Variants in GJA3 observed in about 807,000 individuals in gnomAD.
GJA3 encodes the protein gap junction alpha-3 protein.
For missense variants in GJA3, 571 were observed against 620.3 expected (o/e 0.92, Z 0.84); for synonymous variants, 297 against 292.6 (o/e 1.02, Z -0.15).
Position 20,143,510 on chromosome 13 carries a change from C to G in GJA3, c.-17-205G>C, listed in dbSNP as rs545084173. ...TCCATGAGGAACCACAGGTTAAACTCTTCATTTCAGAGAGGAGGAAGCCAG... is the reference window on the plus strand; with the variant it reads ...TCCATGAGGAACCACAGGTTAAACTGTTCATTTCAGAGAGGAGGAAGCCAG... On this transcript the variant is annotated intron_variant, in intron 1 of 1. Transcript: ENST00000241125. 3.9e-5 allele frequency among the ~76,000 whole-genome samples: 6 copies of G among 152,310 alleles called. No individual in the cohort carries two copies. In the South Asian group the frequency reaches 8.3e-4, roughly 21 times the overall value.
At position 20,143,250 on chromosome 13, in the gene GJA3, AT is replaced by A; in HGVS notation, c.38del (p.Asn13MetfsTer14). 6.5e-7 allele frequency: 1 copy of A among 1,538,010 alleles called. No homozygotes were observed. Reference protein sequence around the residue: ...DWSFLGRLLENAQEHSTVIGK... With the variant: ...DWSFLGRLLEXAQEHSTVIGK... ...CGATGACCGTGGAGTGCTCCTGTGC[AT>A]TTTCTAAGAGTCTTCCCAGAAAGCT... On this transcript the variant is annotated frameshift_variant, in exon 2 of 2. Coordinates refer to ENST00000241125, the MANE Select transcript of GJA3 (RefSeq NM_021954.4). LOFTEE classifies it low-confidence loss of function (END_TRUNC).
rs771180122 is a variant in GJA3, at chr13:20,142,794, G to A, written c.495C>T (p.Ala165=). 9 of 1,613,538 alleles carry A rather than the reference G, an allele frequency of 5.6e-6. No individual in the cohort carries two copies. Among genetic ancestry groups the A allele is most frequent in the African/African-American group, 2.7e-5 (2 of 74,946 alleles). The change falls in exon 2 of 2, where the codon GCC becomes GCT. Residue 165 remains alanine, a synonymous_variant. Transcript: ENST00000241125. ...FKTLFEVGFI[A]GQYFLYGFEL... ...CGAAGCCGTACAGAAAGTACTGGCC[G>A]GCGATGAAGCCCACCTCGAACAGCG... is the stretch of plus-strand genomic sequence containing the variant.
intron 1 of GJA3, among the ~76,000 whole-genome samples, chr13:20,152,410 G>T (rs1472630901): frequency 6.6e-6 from 1 of 151,850 alleles, no homozygotes; most frequent in Non-Finnish European, 1.5e-5. Flanking sequence ...TTTGAGACAG[G>T]GTCTCCCTCT....
intron 1 of GJA3, among the ~76,000 whole-genome samples, chr13:20,152,730 A>G (rs749975947): frequency 2.6e-5 from 4 of 152,234 alleles, no homozygotes; most frequent in Non-Finnish European, 5.9e-5. Context: ...TAGAGGTAAT[A>G]TAATATGGAG....
At chr13:20,154,528 C>G (rs1958897307) in intron 1 of GJA3, among the ~76,000 whole-genome samples, 1 of 152,170 alleles carries the variant, frequency 6.6e-6, no homozygotes, top group South Asian at 2.1e-4. Context: ...CTCTTCCTTT[C>G]CTAAGTCTAA....
intron 1 of GJA3, among the ~76,000 whole-genome samples, chr13:20,146,593 A>C (rs909021310): frequency 6.6e-6 from 1 of 152,226 alleles, no homozygotes. Flanking sequence ...TCAGGGGCCA[A>C]GGCTGTGTCC....
At chr13:20,143,816 A>G (rs975588061) in intron 1 of GJA3, among the ~76,000 whole-genome samples, 1 of 152,248 alleles carries the variant, frequency 6.6e-6, no homozygotes, top group Non-Finnish European at 1.5e-5. Context: ...CTCAACTAGG[A>G]AAGTTTACAT....
chr13:20,150,660 C>T (rs1478086248), intron 1 of GJA3, among the ~76,000 whole-genome samples: 1 of 152,162 alleles, frequency 6.6e-6, no homozygotes, highest in Admixed American at 6.5e-5. Flanking sequence ...TCCCACCTCT[C>T]AAGACAATGT....
rs962654157 is a variant in GJA3 at position 20,142,686 on chromosome 13, G to A, written c.603C>T (p.Thr201=). The change falls in exon 2 of 2, where the codon ACC becomes ACT. Residue 201 remains threonine (T), a synonymous_variant. Coordinates refer to ENST00000241125, the MANE Select transcript of GJA3 (RefSeq NM_021954.4). ...CCGCCAGCATGAAGATGATGAAGAT[G>A]GTCTTCTCCGTGGGCCTGGAGATGA... ...DCFISRPTEK[T]IFIIFMLAVA... The A allele has an allele frequency of 4.3e-6, 7 of 1,613,948 alleles. No homozygotes were observed. The highest frequency in any genetic ancestry group is 5.9e-6 in the Non-Finnish European group (7 of 1,179,958).
intron 1 of GJA3, among the ~76,000 whole-genome samples, chr13:20,158,931 AAAAAAG>A (rs1259935524): frequency 4.0e-5 from 6 of 148,834 alleles, no homozygotes; most frequent in African/African-American, 5.0e-5. Context: ...AAAAAAAAAA[AAAAAAG>A]AAAAAGAAAA....
chr13:20,160,753 G>T, intron 1 of GJA3, 137 bp downstream of exon 1: 1 of 152,204 alleles, frequency 6.6e-6, no homozygotes, highest in Non-Finnish European at 1.5e-5. Context: ...CACGTGCCGG[G>T]GCTCGGCTTC....
rs764035950 is a variant in GJA3 at position 20,142,571 on chromosome 13, G to C, written c.718C>G (p.Pro240Ala). The change falls in exon 2 of 2, where the codon CCG becomes GCG. Residue 240 changes from proline to alanine, a missense_variant. Coordinates refer to ENST00000241125, the MANE Select transcript of GJA3 (RefSeq NM_021954.4). ...CCCAGCGGGGCCTCGGAGGCGTCCG[G>C]GCCGAGGCGGCTGGTCACGCCCTGC... is the stretch of plus-strand genomic sequence containing the variant. ...LKQGVTSRLG[P>A]DASEAPLGTA... is the part of the protein sequence containing the mutation. 2 of 1,597,120 alleles carry C rather than the reference G, an allele frequency of 1.3e-6. No homozygotes were observed. Among genetic ancestry groups the C allele is most frequent in the South Asian group, 1.1e-5 (1 of 89,464 alleles).
chr13:20,156,804 C>T (rs1350813755), intron 1 of GJA3, among the ~76,000 whole-genome samples: 1 of 152,192 alleles, frequency 6.6e-6, no homozygotes, highest in Admixed American at 6.5e-5. Context: ...ACAGGGAGTT[C>T]TAACATTAAG....
chr13:20,151,590 G>A (rs761972019), intron 1 of GJA3, among the ~76,000 whole-genome samples: 5 of 152,164 alleles, frequency 3.3e-5, no homozygotes, highest in Non-Finnish European at 5.9e-5. Flanking sequence ...AGAGCAGACC[G>A]GGGCTCCAGG....
Position 20,142,738 on chromosome 13 carries a change from C to T in GJA3, c.551G>A (p.Trp184Ter). Residue 184 changes from tryptophan to a stop codon, truncating the protein, a stop_gained, in exon 2 of 2, where the codon TGG (tryptophan) becomes TAG (stop). Transcript: ENST00000241125. LOFTEE classifies it low-confidence loss of function (END_TRUNC). ...ELKPLYRCDR[W>*]PCPNTVDCFI... ...GCAGTCCACCGTGTTGGGGCAGGGCCAGCGGTCGCAGCGGTAGAGCGGCTT... is the reference window on the plus strand; with the variant it reads ...GCAGTCCACCGTGTTGGGGCAGGGCTAGCGGTCGCAGCGGTAGAGCGGCTT... 6.2e-7 allele frequency: 1 copy of T among 1,613,772 alleles called. No individual in the cohort carries two copies. The highest frequency in any genetic ancestry group is 8.5e-7 in the Non-Finnish European group (1 of 1,179,948).
chr13:20,145,253 T>C (rs1375694853), intron 1 of GJA3, among the ~76,000 whole-genome samples: 1 of 152,158 alleles, frequency 6.6e-6, no homozygotes, highest in Non-Finnish European at 1.5e-5. Context: ...AAAACTCTAC[T>C]CATTAACAAT....
intron 1 of GJA3, 21 bp downstream of exon 1, chr13:20,160,869 G>C (rs916389419): frequency 1.4e-5 from 2 of 146,112 alleles, no homozygotes; most frequent in Non-Finnish European, 3.0e-5. Context: ...CCTGGCCTCC[G>C]GGGCGCCCGG....
chr13:20,141,231 A>G lies in GJA3; in HGVS notation c.*750T>C, dbSNP rs954736441. On this transcript the variant is annotated 3_prime_UTR_variant, in exon 2 of 2. Transcript: ENST00000241125. The stretch of plus-strand genomic sequence containing the variant: ...ATAATCATTTAGAAAATAAATACCT[A>G]CGGCATACCCGACACACTTTTATGT... 1 of 152,226 alleles carries G rather than the reference A, an allele frequency of 6.6e-6. No individual in the cohort carries two copies. The highest frequency in any genetic ancestry group is 2.4e-5 in the African/African-American group (1 of 41,462). 9.4% of individuals were successfully genotyped at this position (152,226 alleles called of 1,614,324 possible). A position where few individuals can be genotyped will look rare whatever the true frequency, so the allele number is the denominator to read the frequency against.
Position 20,142,245 on chromosome 13 carries a change from C to A in GJA3, c.1044G>T (p.Thr348=). ...TGCCGACGGGGCTGGGGGCTGCAGG[C>A]GTGGACGCTGCCGGGTAAGCCTTGA... ...PALKAYPAAS[T]PAAPSPVGSS... is the part of the protein sequence containing the mutation. Residue 348 remains threonine, a synonymous_variant, in exon 2 of 2, where the codon ACG becomes ACT. Transcript: ENST00000241125. 1 of 1,540,214 alleles carries A rather than the reference C, an allele frequency of 6.5e-7. No homozygotes were observed. The highest frequency in any genetic ancestry group is 2.5e-5 in the East Asian group (1 of 40,130).
Sources: allele counts gnomAD v4.1 joint callset (sites outside exome capture counted in the v4.1 genomes callset), GRCh38; gene constraint gnomAD v4.1.1; transcripts MANE v1.5; gene names NCBI Gene and HGNC (gene_info 2026-07-23, HGNC 2026-07-21).